ABCB11: variants seen among roughly 807,000 people sequenced by gnomAD.
ABCB11 encodes ATP binding cassette subfamily B member 11, also known as bile salt export pump.
Under a neutral mutation model 148.0 loss-of-function variants are expected in ABCB11, and 95 were observed. That is an observed-to-expected ratio of 0.64 (90% CI 0.54 to 0.76). The LOEUF (loss-of-function observed/expected upper bound fraction) is 0.76. Ranked by LOEUF, ABCB11 falls within the 30% of genes least tolerant of loss-of-function variation. ABCB11 has a pLI of 0.00. For missense variants in ABCB11, 1,523 were observed against 1,617.8 expected, an observed-to-expected ratio of 0.94 and a Z score of 1.01; for synonymous variants, 591 against 555.4, an observed-to-expected ratio of 1.06 and a Z score of -0.90.
At chr2:168,944,499 C>T in intron 21 of ABCB11, 106 bp downstream of exon 21, 1 of 1,258,070 alleles carries the variant, frequency 7.9e-7, no homozygotes, top group Non-Finnish European at 1.1e-6. Context: ...TATCCCAATC[C>T]CACTGGTCCC....
chr2:168,963,039 C>T (rs929937835), intron 18 of ABCB11, among the ~76,000 whole-genome samples: 1 of 151,700 alleles, frequency 6.6e-6, no homozygotes, highest in Non-Finnish European at 1.5e-5. Context: ...CTACTTTATT[C>T]CAAATTTGTC....
chr2:168,932,694 T>A (rs1286418793), intron 23 of ABCB11, among the ~76,000 whole-genome samples, 161 bp from the exon 24 acceptor site: 1 of 152,062 alleles, frequency 6.6e-6, no homozygotes, highest in African/African-American at 2.4e-5. Flanking sequence ...AGGGTGGTGT[T>A]TAAGGGACTG....
At chr2:168,990,692 C>G in intron 9 of ABCB11, 109 bp downstream of exon 9, 1 of 1,390,798 alleles carries the variant, frequency 7.2e-7, no homozygotes, top group Non-Finnish European at 1.0e-6. Context: ...AGTACTTCCT[C>G]TGGAGGCCAC....
chr2:168,930,972 G>T, intron 24 of ABCB11, 110 bp from the exon 25 acceptor site: 1 of 957,374 alleles, frequency 1.0e-6, no homozygotes, highest in Non-Finnish European at 1.5e-6. Flanking sequence ...TTCAAACCAT[G>T]CTGCCAAAGT....
At chr2:169,016,023 ATCT>A (rs1695346450) in intron 3 of ABCB11, among the ~76,000 whole-genome samples, 1 of 152,114 alleles carries the variant, frequency 6.6e-6, no homozygotes, top group South Asian at 2.1e-4. Context: ...ATTTGCTGTG[ATCT>A]TCTCATTCCA....
intron 10 of ABCB11, among the ~76,000 whole-genome samples, chr2:168,981,743 G>A (rs559157092): frequency 1.4e-4 from 22 of 152,224 alleles, no homozygotes; most frequent in Non-Finnish European, 3.2e-4. Flanking sequence ...CTGAAAAAGG[G>A]CCAAATAAAT....
intron 18 of ABCB11, among the ~76,000 whole-genome samples, chr2:168,963,886 C>A (rs566224948): frequency 6.6e-6 from 1 of 151,814 alleles, no homozygotes; most frequent in Non-Finnish European, 1.5e-5. Flanking sequence ...AGGATTTCTA[C>A]ATATGAGCAA....
chr2:168,931,626 A>T (rs1268985658), intron 24 of ABCB11, among the ~76,000 whole-genome samples: 1 of 152,238 alleles, frequency 6.6e-6, no homozygotes, highest in Non-Finnish European at 1.5e-5. Flanking sequence ...AATTAAATCA[A>T]TGTTATTGGA....
intron 9 of ABCB11, 105 bp from the exon 10 acceptor site, chr2:168,986,389 T>C (rs13382331): frequency 2.0e-6 from 2 of 1,003,694 alleles, no homozygotes; most frequent in African/African-American, 1.6e-5. Flanking sequence ...CATAAAATCA[T>C]CGCAAACACA....
At chr2:168,931,856 T>C (rs757703458) in intron 24 of ABCB11, among the ~76,000 whole-genome samples, 33 of 152,198 alleles carry the variant, frequency 2.2e-4, no homozygotes, top group Non-Finnish European at 4.9e-4. Context: ...TATTTATAAA[T>C]CTACTGTTTG....
chr2:169,030,555 A>T (rs189134069), intron 1 of ABCB11, among the ~76,000 whole-genome samples: 1 of 152,202 alleles, frequency 6.6e-6, no homozygotes, highest in Non-Finnish European at 1.5e-5. Context: ...AATGTTGACA[A>T]ATACTGTCTT....
chr2:168,928,525 C>T (rs1044669496), intron 25 of ABCB11, among the ~76,000 whole-genome samples: 3 of 152,010 alleles, frequency 2.0e-5, no homozygotes, highest in African/African-American at 7.2e-5. Context: ...AAATGTTTTA[C>T]GATGTTGTAA....
At chr2:169,018,211 AAGT>A in intron 1 of ABCB11, 59 bp from the exon 2 acceptor site, 1 of 1,467,186 alleles carries the variant, frequency 6.8e-7, no homozygotes, top group Non-Finnish European at 9.4e-7. Context: ...TCTTTAATCA[AAGT>A]AGCCAAACGA....
chr2:168,937,283 T>C (rs1303985701), intron 21 of ABCB11, among the ~76,000 whole-genome samples: 1 of 152,224 alleles, frequency 6.6e-6, no homozygotes, highest in African/African-American at 2.4e-5. Flanking sequence ...TTTCCAACTT[T>C]TGGCTATTGT....
chr2:168,943,971 C>A (rs1692187831), intron 21 of ABCB11, among the ~76,000 whole-genome samples: 1 of 151,816 alleles, frequency 6.6e-6, no homozygotes, highest in African/African-American at 2.4e-5. Context: ...GTTGGAAGGG[C>A]AATTTGGCTC....
intron 1 of ABCB11, among the ~76,000 whole-genome samples, chr2:169,029,721 C>T (rs1453607597): frequency 1.6e-5 from 2 of 124,230 alleles, no homozygotes; most frequent in East Asian, 5.4e-4. Flanking sequence ...ACAGTTCTTT[C>T]CTCTTTTTTT....
intron 19 of ABCB11, among the ~76,000 whole-genome samples, chr2:168,952,929 A>T (rs1332860346): frequency 6.6e-6 from 1 of 151,476 alleles, no homozygotes; most frequent in Non-Finnish European, 1.5e-5. Context: ...ATTTCAAAAA[A>T]TTTTCTAATT....
chr2:168,978,482 A>G (rs1325563790), intron 11 of ABCB11, among the ~76,000 whole-genome samples: 1 of 151,836 alleles, frequency 6.6e-6, no homozygotes, highest in Non-Finnish European at 1.5e-5. Context: ...TCTGTACTCC[A>G]ATATATGAAA....
At chr2:169,027,215 G>C (rs962919369) in intron 1 of ABCB11, among the ~76,000 whole-genome samples, 1 of 152,140 alleles carries the variant, frequency 6.6e-6, no homozygotes, top group South Asian at 2.1e-4. Context: ...CCAGAAAAAT[G>C]TATTTTCCAA....
Sources: allele counts gnomAD v4.1 joint callset (sites outside exome capture counted in the v4.1 genomes callset), GRCh38; gene constraint gnomAD v4.1.1; transcripts MANE v1.5; gene names NCBI Gene and HGNC (gene_info 2026-07-23, HGNC 2026-07-21).